The following UNC13A variants were observed in gnomAD, a reference collection of about 807,000 sequenced individuals.
The protein encoded by UNC13A is protein unc-13 homolog A.
A neutral mutation model predicts 219.7 loss-of-function variants in UNC13A; 61 were observed. The ratio of observed to expected loss-of-function variants is 0.28; its 90% confidence interval spans 0.23 to 0.34. The LOEUF (loss-of-function observed/expected upper bound fraction) is 0.34. UNC13A is among the 10% of genes least tolerant of loss of function. UNC13A has a pLI of 1.00. For missense variants in UNC13A, 1,476 were observed against 2,270.3 expected, an observed-to-expected ratio of 0.65 and a Z score of 7.11; for synonymous variants, 920 against 884.6, an observed-to-expected ratio of 1.04 and a Z score of -0.71.
rs140945441 is a variant in UNC13A, at chr19:17,616,128, GACA to G, written c.4558+1571_4558+1573del. ...GGAATCAGAGCCCAGCTCTTAACCT[GACA>G]GGTGCCTGTCCCGGGGTCCCAGGAT... On this transcript the variant is annotated intron_variant, in intron 41 of 43. Coordinates refer to ENST00000519716, the MANE Select transcript of UNC13A (RefSeq NM_001080421.3). Among the ~76,000 whole-genome samples, 621 of 152,296 alleles carry G rather than the reference GACA, an allele frequency of 4.1e-3. 8 individuals are homozygous for G. The highest frequency in any genetic ancestry group is 0.012 in the African/African-American group (490 of 41,564).
intron 31 of UNC13A, chr19:17,628,316 GCC>G: frequency 5.3e-6 from 1 of 188,892 alleles, no homozygotes; most frequent in Non-Finnish European, 1.1e-5. Context: ...GAAGGCGTGT[GCC>G]CTCACCCCGA....
chr19:17,674,671 C>T lies in UNC13A; in HGVS notation c.138G>A (p.Glu46=). ...IAVRGSQPSW[E]QDFMFEINRL... is the part of the protein sequence containing the mutation. ...TGCAGACTCACAACATGAAATCCTG[C>T]TCCCAGCTGGGCTGGCTGCCCCGCA... Residue 46 remains glutamate (E), a synonymous_variant, in exon 3 of 44, where the codon GAG becomes GAA. Transcript: ENST00000519716. The surrounding 1 kb of genome is among the most constrained non-coding windows in gnomAD (Gnocchi z 5.0). The T allele has an allele frequency of 1.2e-6, 2 of 1,613,888 alleles. No individual in the cohort carries two copies. The highest frequency in any genetic ancestry group is 1.7e-6 in the Non-Finnish European group (2 of 1,179,868).
chr19:17,639,478 G>A lies in UNC13A; in HGVS notation c.2904C>T (p.Ser968=), dbSNP rs768151868. The A allele has an allele frequency of 3.1e-6, 5 of 1,613,478 alleles. No individual in the cohort carries two copies. Among genetic ancestry groups the A allele is most frequent in the South Asian group, 2.2e-5 (2 of 90,994 alleles). ...SSPERLQDLK[S]TVDLLTSITF... is the part of the protein sequence containing the mutation. ...TGATGCTGGTGAGAAGGTCCACAGT[G>A]GATTTGAGGTCCTGGAGTCTCTCCG... The change falls in exon 24 of 44, where the codon TCC becomes TCT. Residue 968 remains serine (S), a synonymous_variant. Transcript: ENST00000519716.
Position 17,618,954 on chromosome 19 carries a change from C to G in UNC13A, c.4281G>C (p.Gln1427His). ...VKLPSHSDGT[Q>H]MIFNAAKELG... ...GCTCCTTGGCTGCATTGAAGATCAT[C>G]TGGGTTCCCTGCAGGTAACAACATA... The change falls in exon 39 of 44, where the codon CAG becomes CAC. Residue 1427 changes from glutamine (Q) to histidine (H), a missense_variant. By Grantham distance (24) the Gln-to-His change is conservative. Around this residue, in one of 14 missense-constraint regions of UNC13A, gnomAD observed 75 missense variants for 100.2 expected, o/e 0.75. Coordinates refer to ENST00000519716, the MANE Select transcript of UNC13A (RefSeq NM_001080421.3). The G allele has an allele frequency of 1.2e-6, 2 of 1,613,980 alleles. No individual in the cohort carries two copies. Among genetic ancestry groups the G allele is most frequent in the Middle Eastern group, 3.3e-4 (2 of 6,062 alleles).
intron 19 of UNC13A, among the ~76,000 whole-genome samples, chr19:17,644,186 C>T (rs537521781): frequency 1.2e-4 from 18 of 151,980 alleles, no homozygotes; most frequent in Non-Finnish European, 2.5e-4. Context: ...GGATTCTTTT[C>T]TTGTGGTGGG....
intron 7 of UNC13A, among the ~76,000 whole-genome samples, chr19:17,666,364 C>G (rs1377385983): frequency 1.4e-5 from 2 of 147,158 alleles, no homozygotes; most frequent in Admixed American, 6.7e-5. Context: ...AGGCACCCAC[C>G]ACCATGCCTG....
intron 3 of UNC13A, among the ~76,000 whole-genome samples, chr19:17,672,703 C>T (rs1035291369): frequency 6.6e-6 from 1 of 152,046 alleles, no homozygotes; most frequent in Non-Finnish European, 1.5e-5. Context: ...CGGGGTATCA[C>T]AAAAGAACCA....
intron 34 of UNC13A, 94 bp from the exon 35 acceptor site, chr19:17,625,046 G>A (rs1269178560): frequency 1.3e-6 from 2 of 1,527,282 alleles, no homozygotes; most frequent in Non-Finnish European, 1.8e-6. Flanking sequence ...TCCACAGATA[G>A]GAAAGAGGGC....
chr19:17,621,789 G>C (rs1240439477), intron 37 of UNC13A, 43 bp downstream of exon 37: 1 of 1,609,464 alleles, frequency 6.2e-7, no homozygotes, highest in South Asian at 1.1e-5. Context: ...CACATGCCCA[G>C]ACACTGGAGC....
chr19:17,607,686 C>T (rs1349454825), intron 43 of UNC13A, among the ~76,000 whole-genome samples: 1 of 151,576 alleles, frequency 6.6e-6, no homozygotes, highest in Non-Finnish European at 1.5e-5. Context: ...TGAGCTCAAG[C>T]GATCTTCCTG....
At chr19:17,684,356 A>G (rs567490230) in intron 1 of UNC13A, among the ~76,000 whole-genome samples, 2 of 151,996 alleles carry the variant, frequency 1.3e-5, no homozygotes, top group African/African-American at 2.4e-5. Flanking sequence ...GCCCTCCCTC[A>G]TCTCTTTCAT....
At position 17,620,679 on chromosome 19, in the gene UNC13A, G is replaced by A. The variant is rs1317004585; in HGVS notation, c.4272+14C>T. The A allele has an allele frequency of 6.2e-7, 1 of 1,612,298 alleles. No homozygotes were observed. The highest frequency in any genetic ancestry group is 8.5e-7 in the Non-Finnish European group (1 of 1,179,334). On this transcript the variant is annotated intron_variant, in intron 38 of 43. Coordinates refer to ENST00000519716, the MANE Select transcript of UNC13A (RefSeq NM_001080421.3). ...GGGATGGGAGCCAGACAGACAGTGA[G>A]AGGCCGGTCTTACGTCTGAGTGGCT...
At chr19:17,628,343 A>ACC in intron 31 of UNC13A, 1 of 207,526 alleles carries the variant, frequency 4.8e-6, no homozygotes, top group Non-Finnish European at 9.8e-6. Context: ...TACACACGAG[A>ACC]CCCCCCCCAC....
intron 35 of UNC13A, 49 bp downstream of exon 35, chr19:17,624,780 C>A (rs772887642): frequency 2.5e-6 from 4 of 1,575,748 alleles, no homozygotes; most frequent in Non-Finnish European, 3.4e-6. Flanking sequence ...TCTGGGCTCT[C>A]GCCAGGGAGG....
chr19:17,652,549 T>C, intron 12 of UNC13A, 82 bp downstream of exon 12: 2 of 1,582,822 alleles, frequency 1.3e-6, no homozygotes, highest in African/African-American at 2.7e-5. Flanking sequence ...CCTCCTCCTC[T>C]CTGGGCTGAG....
chr19:17,639,414 AG>A (rs745388740), intron 24 of UNC13A, 21 bp downstream of exon 24: 1 of 1,606,612 alleles, frequency 6.2e-7, no homozygotes, highest in African/African-American at 1.3e-5. Flanking sequence ...TGGAGAGCAA[AG>A]GCAACTGGAT....
intron 34 of UNC13A, among the ~76,000 whole-genome samples, chr19:17,625,548 T>C (rs945379237): frequency 1.3e-5 from 2 of 151,598 alleles, no homozygotes; most frequent in Non-Finnish European, 2.9e-5. Context: ...CATCCATCTG[T>C]TCATCCATCC....
intron 26 of UNC13A, among the ~76,000 whole-genome samples, chr19:17,634,259 T>C (rs1445829069): frequency 6.6e-6 from 1 of 152,024 alleles, no homozygotes; most frequent in African/African-American, 2.4e-5. Flanking sequence ...TATCCATCCA[T>C]CCCTCTATCC....
At chr19:17,611,221 T>C (rs1288687296) in intron 42 of UNC13A, among the ~76,000 whole-genome samples, 2 of 152,184 alleles carry the variant, frequency 1.3e-5, no homozygotes, top group Admixed American at 1.3e-4. Flanking sequence ...TCTCACTCTG[T>C]CACCCAGGCT....
Sources: allele counts gnomAD v4.1 joint callset (sites outside exome capture counted in the v4.1 genomes callset), GRCh38; gene constraint gnomAD v4.1.1; regional missense constraint gnomAD v4.1.1; non-coding constraint Gnocchi (gnomAD v3.1); transcripts MANE v1.5; gene names NCBI Gene and HGNC (gene_info 2026-07-23, HGNC 2026-07-21).